Variants in NCAM2 observed in about 807,000 individuals in gnomAD.
NCAM2 encodes N-CAM-2.
Under a neutral mutation model 98.1 loss-of-function variants are expected in NCAM2, and 30 were observed. The observed-to-expected ratio is 0.31, with a 90% CI of 0.23 to 0.41. NCAM2 has a LOEUF of 0.41. NCAM2 is among the 10% of genes least tolerant of loss of function. NCAM2 has a pLI of 1.00. For missense variants in NCAM2, 867 were observed against 1,005.8 expected (o/e 0.86, Z 1.87); for synonymous variants, 368 against 342.4 (o/e 1.07, Z -0.83).
At chr21:21,510,426 A>G (rs1448598648) in intron 16 of NCAM2, among the ~76,000 whole-genome samples, 2 of 152,106 alleles carry the variant, frequency 1.3e-5, no homozygotes, top group Non-Finnish European at 2.9e-5. Flanking sequence ...AACTTCACAT[A>G]AATGGATTCC....
intron 1 of NCAM2, among the ~76,000 whole-genome samples, chr21:21,139,632 T>G (rs1165717615): frequency 6.6e-6 from 1 of 152,204 alleles, no homozygotes; most frequent in African/African-American, 2.4e-5. Context: ...ATTCAGGTAG[T>G]TTTTTAATTC....
intron 5 of NCAM2, among the ~76,000 whole-genome samples, chr21:21,292,593 A>G (rs2073337694): frequency 6.6e-6 from 1 of 151,928 alleles, no homozygotes; most frequent in Non-Finnish European, 1.5e-5. Context: ...TTAAATTTAC[A>G]TATTTTACTC....
At position 21,005,805 on chromosome 21, in the gene NCAM2, C is replaced by T. The variant is rs1260951516; in HGVS notation, c.55+7187C>T. Among the ~76,000 whole-genome samples, 13 of 149,906 alleles carry T rather than the reference C, an allele frequency of 8.7e-5. No individual in the cohort carries two copies. The East Asian group carries it at 1.4e-3, about 16-fold the overall frequency. On this transcript the variant is annotated intron_variant, in intron 1 of 17. Coordinates refer to ENST00000400546, the MANE Select transcript of NCAM2 (RefSeq NM_004540.5). ...ACAAAATAAAATCCAGGAGAACGCC[C>T]CCCCCAAAAAAAAAACCCTAAAAAC...
intron 9 of NCAM2, among the ~76,000 whole-genome samples, chr21:21,406,188 A>G (rs1042269511): frequency 1.3e-5 from 2 of 152,196 alleles, no homozygotes; most frequent in African/African-American, 4.8e-5. Context: ...GAAGAGAGAG[A>G]TTGAGCTCAA....
intron 14 of NCAM2, among the ~76,000 whole-genome samples, chr21:21,475,005 TTATAATACATATA>T (rs1984977695): frequency 1.3e-5 from 2 of 148,568 alleles, no homozygotes; most frequent in East Asian, 3.9e-4. Flanking sequence ...ATATAATACA[TTATAATACATATA>T]TATAATACAC....
At chr21:21,430,403 T>TATATATATATATATATATA (rs71195328) in intron 11 of NCAM2, among the ~76,000 whole-genome samples, 51 of 146,654 alleles carry the variant, frequency 3.5e-4, no homozygotes, top group East Asian at 1.3e-3. Flanking sequence ...TTTATATATA[T>TATATATATATATATATATA]TAGCCCATTC....
intron 8 of NCAM2, among the ~76,000 whole-genome samples, chr21:21,367,609 A>G (rs2075818933): frequency 1.3e-5 from 2 of 151,980 alleles, no homozygotes; most frequent in Non-Finnish European, 2.9e-5. Flanking sequence ...GGAAATCACA[A>G]TGAAATAGAT....
intron 1 of NCAM2, among the ~76,000 whole-genome samples, chr21:21,113,289 T>A (rs1442866907): frequency 6.6e-6 from 1 of 152,314 alleles, no homozygotes; most frequent in African/African-American, 2.4e-5. Context: ...GGCACAAAAT[T>A]GTTTTAGTAA....
intron 16 of NCAM2, among the ~76,000 whole-genome samples, chr21:21,531,866 G>A (rs886526561): frequency 2.0e-5 from 3 of 150,304 alleles, no homozygotes; most frequent in East Asian, 1.9e-4. Flanking sequence ...GGTGGTGGGC[G>A]CCTGTAGTCC....
At chr21:21,323,524 A>G (rs1022211026) in intron 5 of NCAM2, among the ~76,000 whole-genome samples, 13 of 152,246 alleles carry the variant, frequency 8.5e-5, no homozygotes, top group African/African-American at 2.6e-4. Context: ...TAGGAATATT[A>G]CTTTATGATA....
chr21:21,036,552 T>C (rs1006474204), intron 1 of NCAM2, among the ~76,000 whole-genome samples: 1 of 152,170 alleles, frequency 6.6e-6, no homozygotes. Flanking sequence ...ACAGAAGTCA[T>C]ATGAAATATG....
chr21:21,048,234 TC>T (rs2065037398), intron 1 of NCAM2, among the ~76,000 whole-genome samples: 2 of 152,196 alleles, frequency 1.3e-5, no homozygotes, highest in Admixed American at 1.3e-4. Context: ...CCTAAACATT[TC>T]ATTTCTATTA....
intron 8 of NCAM2, among the ~76,000 whole-genome samples, chr21:21,350,114 C>G (rs1444344980): frequency 6.6e-6 from 1 of 151,864 alleles, no homozygotes; most frequent in Non-Finnish European, 1.5e-5. Flanking sequence ...GGAATGAATA[C>G]CCCATTTTCT....
At position 21,370,148 on chromosome 21, in the gene NCAM2, A is replaced by G. The variant is rs1310344281; in HGVS notation, c.1045-3715A>G. Among the ~76,000 whole-genome samples the G allele has an allele frequency of 2.0e-5, 3 of 151,846 alleles. No individual in the cohort carries two copies. In the East Asian group the frequency reaches 5.8e-4, roughly 29 times the overall value. ...TTTTGACTTGTCCTTCCGTTTTGGC[A>G]TAAATACCTACGAGAAACTCTTCCT... On this transcript the variant is annotated intron_variant, in intron 8 of 17. Coordinates refer to ENST00000400546, the MANE Select transcript of NCAM2 (RefSeq NM_004540.5).
At chr21:21,341,096 A>G (rs2075019409) in intron 8 of NCAM2, among the ~76,000 whole-genome samples, 1 of 152,066 alleles carries the variant, frequency 6.6e-6, no homozygotes, top group Non-Finnish European at 1.5e-5. Context: ...GCCTCACATA[A>G]TACAGCTTAG....
intron 1 of NCAM2, among the ~76,000 whole-genome samples, chr21:21,123,876 C>T (rs1283930791): frequency 2.5e-5 from 1 of 39,762 alleles, no homozygotes; most frequent in Non-Finnish European, 5.0e-5. Context: ...GAGACGGAGT[C>T]TCACTCTGTC....
chr21:21,227,719 A>G (rs1346770776), intron 1 of NCAM2, among the ~76,000 whole-genome samples: 1 of 151,844 alleles, frequency 6.6e-6, no homozygotes, highest in Admixed American at 6.6e-5. Context: ...AGCATTTTAA[A>G]TTGTGGAGAA....
chr21:21,056,991 A>G (rs2065225316), intron 1 of NCAM2, among the ~76,000 whole-genome samples: 3 of 151,892 alleles, frequency 2.0e-5, no homozygotes, highest in Admixed American at 2.0e-4. Flanking sequence ...TTTTTGTTTT[A>G]TTATAAAAAA....
At chr21:21,438,515 A>G (rs1352185108) in intron 12 of NCAM2, among the ~76,000 whole-genome samples, 1 of 152,188 alleles carries the variant, frequency 6.6e-6, no homozygotes, top group Middle Eastern at 3.2e-3. Flanking sequence ...TCAAACTGTA[A>G]GGAATTGTGA....
Sources: gnomAD v4.1 joint callset for allele counts (sites outside exome capture counted in the v4.1 genomes callset) on GRCh38, gnomAD v4.1.1 for gene constraint, MANE v1.5 for transcripts, NCBI Gene and HGNC (gene_info 2026-07-23, HGNC 2026-07-21) for gene names.